The following RAD51D variants were observed in gnomAD, a reference collection of about 807,000 sequenced individuals.
RAD51D encodes the protein RAD51 paralog D, also known as DNA repair protein RAD51 homolog 4.
A neutral mutation model predicts 44.1 loss-of-function variants in RAD51D; 38 were observed. The observed-to-expected ratio is 0.86, with a 90% confidence interval of 0.67 to 1.13. The LOEUF (loss-of-function observed/expected upper bound fraction) is 1.13, where lower values mean the gene tolerates loss of function less well. Among genes scored for constraint, RAD51D ranks in the 50% most tolerant of loss-of-function variants. RAD51D has a pLI of 0.00. For missense variants in RAD51D, 390 were observed against 414.0 expected (o/e 0.94, Z 0.50); for synonymous variants, 141 against 166.6 (o/e 0.85, Z 1.18).
chr17:35,110,913 C>G (rs2091666672), intron 3 of RAD51D, among the ~76,000 whole-genome samples: 1 of 152,070 alleles, frequency 6.6e-6, no homozygotes, highest in East Asian at 1.9e-4. Flanking sequence ...CAAGACCAGC[C>G]TGGCCAACAT....
Position 35,119,545 on chromosome 17 carries a change from G to C in RAD51D, c.69C>G (p.His23Gln), listed in dbSNP as rs1597878540. 1 of 1,612,438 alleles carries C rather than the reference G, an allele frequency of 6.2e-7. No individual in the cohort carries two copies. The highest frequency in any genetic ancestry group is 8.5e-7 in the Non-Finnish European group (1 of 1,179,934). Residue 23 changes from histidine to glutamine, a missense_variant, in exon 1 of 10, where the codon CAC becomes CAG. Physicochemically the swap from His to Gln is conservative, Grantham distance 24 (BLOSUM62 0). Coordinates refer to ENST00000345365, the MANE Select transcript of RAD51D (RefSeq NM_002878.4). The part of the protein sequence containing the change: ...TEEMIQLLRS[H>Q]RIKTVVDLVS... ...ACACCCGGTCACCTGTCTTGATCCT[G>C]TGGCTCCTGAGAAGCTGGATCATCT... is the stretch of plus-strand genomic sequence containing the variant.
At chr17:35,110,384 G>A (rs2091660642) in intron 3 of RAD51D, among the ~76,000 whole-genome samples, 1 of 151,828 alleles carries the variant, frequency 6.6e-6, no homozygotes, top group African/African-American at 2.4e-5. Flanking sequence ...TTCCCATTCT[G>A]TACTTCTCTT....
At chr17:35,102,564 A>G (rs1260309025) in intron 8 of RAD51D, among the ~76,000 whole-genome samples, 1 of 150,864 alleles carries the variant, frequency 6.6e-6, no homozygotes, top group Non-Finnish European at 1.5e-5. Context: ...TGGAAGGTCG[A>G]GCTGCAGTGA....
At chr17:35,114,930 G>T (rs1003584511) in intron 3 of RAD51D, among the ~76,000 whole-genome samples, 15 of 151,686 alleles carry the variant, frequency 9.9e-5, no homozygotes, top group African/African-American at 3.6e-4. Context: ...TGCAGCTGGG[G>T]TTGAAGCACT....
chr17:35,115,784 C>T (rs1007815037), intron 3 of RAD51D, among the ~76,000 whole-genome samples: 1 of 151,584 alleles, frequency 6.6e-6, no homozygotes, highest in Admixed American at 6.6e-5. Context: ...TCAGGAGAAT[C>T]ACTTGAACCC....
chr17:35,117,211 T>A (rs1006108545), intron 3 of RAD51D, among the ~76,000 whole-genome samples: 1 of 152,168 alleles, frequency 6.6e-6, no homozygotes, highest in Non-Finnish European at 1.5e-5. Flanking sequence ...GTATGTATCA[T>A]CTGCACATAC....
intron 3 of RAD51D, among the ~76,000 whole-genome samples, chr17:35,109,402 A>G (rs1347241808): frequency 6.6e-6 from 1 of 152,210 alleles, no homozygotes; most frequent in Non-Finnish European, 1.5e-5. Flanking sequence ...AGTTTTTACA[A>G]CGTTGGGATA....
intron 3 of RAD51D, among the ~76,000 whole-genome samples, chr17:35,116,068 CA>C (rs35916952): frequency 0.54 from 70,453 of 131,028 alleles, 18,741 homozygotes; most frequent in Admixed American, 0.65. Context: ...CAAACTCCGA[CA>C]AAAAAAAAAA....
chr17:35,110,644 C>T (rs763904020), intron 3 of RAD51D, among the ~76,000 whole-genome samples: 13 of 152,226 alleles, frequency 8.5e-5, no homozygotes, highest in Non-Finnish European at 1.6e-4. Context: ...ATAGCTCCAG[C>T]GCCCTTTGTT....
At chr17:35,108,001 C>T (rs556192678) in intron 3 of RAD51D, among the ~76,000 whole-genome samples, 2 of 151,858 alleles carry the variant, frequency 1.3e-5, no homozygotes, top group East Asian at 1.9e-4. Flanking sequence ...CCACCCACCT[C>T]GGCCTCCCAG....
At position 35,094,583 on chromosome 17, in the gene RAD51D, T is replaced by C. The variant is rs938496714; in HGVS notation, c.*6370A>G. 1.3e-5 allele frequency: 2 copies of C among 152,136 alleles called. No homozygotes were observed. Among genetic ancestry groups the C allele is most frequent in the African/African-American group, 4.8e-5 (2 of 41,408 alleles). The allele number at this position is 152,136 out of a possible 1,614,324, so 9.4% of individuals were successfully genotyped here. ...TATGGTGAGCTAAGCTGAAAAGAGG[T>C]TGGGATGTGCAGCCCCTGCTGCTAT... is the stretch of plus-strand genomic sequence containing the variant. On this transcript the variant is annotated 3_prime_UTR_variant, in exon 10 of 10. Transcript: ENST00000345365.
Position 35,119,793 on chromosome 17 carries a change from C to T in RAD51D, c.-180G>A, listed in dbSNP as rs2091804204. The T allele has an allele frequency of 6.9e-6, 5 of 722,116 alleles. No homozygotes were observed. Among genetic ancestry groups the T allele is most frequent in the East Asian group, 2.7e-5 (1 of 36,902 alleles). 44.7% of individuals were successfully genotyped at this position (722,116 alleles called of 1,614,324 possible). ...AGGGTAGGGCTGGGGGTCATCCGCCCGCCCGGGATCCGCCGGGATTCCCGC... is the reference window on the plus strand; with the variant it reads ...AGGGTAGGGCTGGGGGTCATCCGCCTGCCCGGGATCCGCCGGGATTCCCGC... On this transcript the variant is annotated 5_prime_UTR_variant, in exon 1 of 10. Coordinates refer to ENST00000345365, the MANE Select transcript of RAD51D (RefSeq NM_002878.4).
chr17:35,101,324 G>C lies in RAD51D; in HGVS notation c.780C>G (p.Leu260=), dbSNP rs772985579. ...HITRDRDSGR[L]KPALGRSWSF... Reference sequence around the variant, plus strand: ...TCCAGGAGCGTCCGAGGGCAGGTTTGAGCCTCCCGCTGTCCCTGTCTCGAG... The same window carrying C: ...TCCAGGAGCGTCCGAGGGCAGGTTTCAGCCTCCCGCTGTCCCTGTCTCGAG... Residue 260 remains leucine (L), a synonymous_variant, in exon 9 of 10, where the codon CTC becomes CTG. Coordinates refer to ENST00000345365, the MANE Select transcript of RAD51D (RefSeq NM_002878.4). 6.2e-7 allele frequency: 1 copy of C among 1,614,162 alleles called. No homozygotes were observed. The highest frequency in any genetic ancestry group is 8.5e-7 in the Non-Finnish European group (1 of 1,180,036).
rs547562302 is a variant in RAD51D, at chr17:35,119,672, G to A, written c.-59C>T. ...TGCACGTCACGTGGGCATTCGCGGGGGGTCCTCTCCAGACGCCCCTCCCCT... is the reference window on the plus strand; with the variant it reads ...TGCACGTCACGTGGGCATTCGCGGGAGGTCCTCTCCAGACGCCCCTCCCCT... On this transcript the variant is annotated 5_prime_UTR_variant, in exon 1 of 10. Transcript: ENST00000345365. The A allele has an allele frequency of 1.2e-5, 19 of 1,575,274 alleles. No individual in the cohort carries two copies. The South Asian group carries it at 2.0e-4, about 16-fold the overall frequency.
At position 35,093,394 on chromosome 17, in the gene RAD51D, C is replaced by T. The variant is rs2091468015; in HGVS notation, c.*7559G>A. On this transcript the variant is annotated 3_prime_UTR_variant, in exon 10 of 10. Transcript: ENST00000345365. ...TCAGCACAGGCCCATTGTTTTCCTA[C>T]AAAACTCAAACTTAAGCTGAGGCTA... 6.6e-6 allele frequency: 1 copy of T among 152,086 alleles called. No homozygotes were observed. The allele number at this position is 152,086 out of a possible 1,614,324, so 9.4% of individuals were successfully genotyped here. A position where few individuals can be genotyped will look rare whatever the true frequency, so the allele number is the denominator to read the frequency against.
intron 3 of RAD51D, among the ~76,000 whole-genome samples, chr17:35,115,977 G>GAA (rs2091738326): frequency 6.8e-6 from 1 of 147,694 alleles, no homozygotes; most frequent in South Asian, 2.2e-4. Flanking sequence ...AAGAAAGAAA[G>GAA]AAAGAAAGAA....
intron 5 of RAD51D, 64 bp downstream of exon 5, chr17:35,106,922 AAT>A: frequency 6.2e-7 from 1 of 1,612,244 alleles, no homozygotes; most frequent in Non-Finnish European, 8.5e-7. Flanking sequence ...AAATTCTTAC[AAT>A]GTTAAGGGAT....
chr17:35,119,642 G>C lies in RAD51D; in HGVS notation c.-29C>G, dbSNP rs768777463. 12 of 1,605,838 alleles carry C rather than the reference G, an allele frequency of 7.5e-6. 1 individual carries two copies. In the Admixed American group the frequency reaches 1.3e-4, roughly 18 times the overall value. ...CCCCGCAGGCCGGAACAGCCCCAGGGGGACTGCACGTCACGTGGGCATTCG... is the reference window on the plus strand; with the variant it reads ...CCCCGCAGGCCGGAACAGCCCCAGGCGGACTGCACGTCACGTGGGCATTCG... On this transcript the variant is annotated 5_prime_UTR_variant, in exon 1 of 10. Coordinates refer to ENST00000345365, the MANE Select transcript of RAD51D (RefSeq NM_002878.4).
chr17:35,092,401 TG>T lies in RAD51D; in HGVS notation c.*8551del, dbSNP rs1185119527. ...GATTTTAGTTATTTCTGGCAAGAGC[TG>T]GAAGAATTAATAGTGACCGACCACC... On this transcript the variant is annotated 3_prime_UTR_variant, in exon 10 of 10. Coordinates refer to ENST00000345365, the MANE Select transcript of RAD51D (RefSeq NM_002878.4). The T allele has an allele frequency of 6.6e-6, 1 of 152,220 alleles. No homozygotes were observed. Among genetic ancestry groups the T allele is most frequent in the African/African-American group, 2.4e-5 (1 of 41,454 alleles). The allele number at this position is 152,220 out of a possible 1,614,324, so 9.4% of individuals were successfully genotyped here. A position where few individuals can be genotyped will look rare whatever the true frequency, so the allele number is the denominator to read the frequency against.
Sources: allele counts gnomAD v4.1 joint callset (sites outside exome capture counted in the v4.1 genomes callset), GRCh38; gene constraint gnomAD v4.1.1; transcripts MANE v1.5; gene names NCBI Gene and HGNC (gene_info 2026-07-23, HGNC 2026-07-21).